HS2ST1: variants seen among roughly 807,000 people sequenced by gnomAD.
HS2ST1 encodes the protein 2-O-sulfotransferase.
Under a neutral mutation model 42.9 loss-of-function variants are expected in HS2ST1, and 18 were observed. That is an observed-to-expected ratio of 0.42 (90% CI 0.29 to 0.62). The LOEUF (loss-of-function observed/expected upper bound fraction) is 0.62. Ranked by LOEUF, HS2ST1 falls within the 20% of genes least tolerant of loss-of-function variation. The pLI is 0.21. For missense variants in HS2ST1, 334 were observed against 433.8 expected (o/e 0.77, Z 2.04); for synonymous variants, 146 against 152.9 (o/e 0.95, Z 0.33).
intron 1 of HS2ST1, chr1:87,045,941 C>G (rs1369232346): frequency 2.0e-5 from 14 of 710,172 alleles, no homozygotes; most frequent in Non-Finnish European, 3.7e-5. Flanking sequence ...GATCTGGTTA[C>G]TATTGATGTC....
At chr1:87,023,082 C>T (rs1649992270) in intron 1 of HS2ST1, among the ~76,000 whole-genome samples, 1 of 152,104 alleles carries the variant, frequency 6.6e-6, no homozygotes, top group Non-Finnish European at 1.5e-5. Flanking sequence ...GTGTTATGTC[C>T]AAATTGTTCC....
chr1:87,013,543 C>A (rs1198624669), intron 1 of HS2ST1, among the ~76,000 whole-genome samples: 4 of 152,238 alleles, frequency 2.6e-5, no homozygotes, highest in Non-Finnish European at 5.9e-5. Flanking sequence ...GCCATGAAGA[C>A]ATGTCATGCC....
chr1:86,996,517 C>T (rs1235353433), intron 1 of HS2ST1, among the ~76,000 whole-genome samples: 1 of 150,518 alleles, frequency 6.6e-6, no homozygotes, highest in Non-Finnish European at 1.5e-5. Context: ...GTTGCAGGTA[C>T]ATGTAGCCCA....
intron 1 of HS2ST1, among the ~76,000 whole-genome samples, chr1:86,966,014 C>T (rs930956111): frequency 2.6e-5 from 4 of 152,216 alleles, no homozygotes; most frequent in Admixed American, 1.3e-4. Context: ...CCACAGGCTT[C>T]TGCATGAGTT....
At chr1:87,040,988 A>G (rs991224858) in intron 1 of HS2ST1, among the ~76,000 whole-genome samples, 2 of 152,160 alleles carry the variant, frequency 1.3e-5, no homozygotes, top group African/African-American at 2.4e-5. Flanking sequence ...TTTGATGTCA[A>G]TAACCACTAA....
chr1:86,961,628 A>G (rs1647846399), intron 1 of HS2ST1, among the ~76,000 whole-genome samples: 1 of 152,172 alleles, frequency 6.6e-6, no homozygotes, highest in African/African-American at 2.4e-5. Flanking sequence ...TCACAGTCAA[A>G]TAATCATTGT....
intron 1 of HS2ST1, among the ~76,000 whole-genome samples, chr1:86,919,422 A>G (rs1013786743): frequency 1.3e-5 from 2 of 152,166 alleles, no homozygotes; most frequent in Non-Finnish European, 2.9e-5. Flanking sequence ...GTATTTTATT[A>G]TAGTATTTTA....
At position 87,084,286 on chromosome 1, in the gene HS2ST1, T is replaced by C. The variant is rs1343087524; in HGVS notation, c.449+7T>C. ...CTTACTTGGATTTTGCAAAGTAAGT[T>C]ACACTGAAATGACACGCTAAAGAAT... On this transcript the variant is annotated splice_region_variant and intron_variant, in intron 3 of 6. Transcript: ENST00000370550. The C allele has an allele frequency of 1.3e-6, 2 of 1,506,814 alleles. No individual in the cohort carries two copies. Among genetic ancestry groups the C allele is most frequent in the Non-Finnish European group, 1.8e-6 (2 of 1,088,688 alleles). 93.3% of individuals were successfully genotyped at this position (1,506,814 alleles called of 1,614,324 possible).
At chr1:87,029,227 C>T (rs1340020601) in intron 1 of HS2ST1, among the ~76,000 whole-genome samples, 2 of 152,146 alleles carry the variant, frequency 1.3e-5, no homozygotes, top group African/African-American at 4.8e-5. Flanking sequence ...TGTATGGGCA[C>T]TTTTGCCACA....
intron 1 of HS2ST1, chr1:87,046,450 T>C (rs1307122283): frequency 2.1e-6 from 2 of 970,958 alleles, no homozygotes; most frequent in Middle Eastern, 2.2e-4. Context: ...ATAAAGAAGG[T>C]GACATTAAAC....
intron 1 of HS2ST1, among the ~76,000 whole-genome samples, chr1:86,960,189 A>C (rs1330918671): frequency 6.7e-6 from 1 of 149,652 alleles, no homozygotes; most frequent in Non-Finnish European, 1.5e-5. Flanking sequence ...CACAAGTGGC[A>C]CTGGAATAAC....
chr1:86,936,655 C>T (rs1660660675), intron 1 of HS2ST1, among the ~76,000 whole-genome samples: 1 of 152,154 alleles, frequency 6.6e-6, no homozygotes, highest in South Asian at 2.1e-4. Flanking sequence ...AGGTAAGAAG[C>T]TCAAACCTGA....
At chr1:87,050,738 T>A (rs1650809677) in intron 1 of HS2ST1, among the ~76,000 whole-genome samples, 1 of 152,156 alleles carries the variant, frequency 6.6e-6, no homozygotes, top group South Asian at 2.1e-4. Flanking sequence ...TTCCATGTGA[T>A]TCTTAGATTA....
At chr1:87,011,310 GA>G in intron 1 of HS2ST1, among the ~76,000 whole-genome samples, 1 of 152,128 alleles carries the variant, frequency 6.6e-6, no homozygotes, top group East Asian at 1.9e-4. Flanking sequence ...GCAGTGGCAT[GA>G]TCATAGCTCA....
At chr1:86,928,539 A>C (rs1023278460) in intron 1 of HS2ST1, among the ~76,000 whole-genome samples, 5 of 151,934 alleles carry the variant, frequency 3.3e-5, no homozygotes, top group African/African-American at 9.7e-5. Context: ...ATTGCTTTTC[A>C]ACACACCCAC....
At chr1:86,967,398 A>G (rs189109801) in intron 1 of HS2ST1, among the ~76,000 whole-genome samples, 77 of 152,256 alleles carry the variant, frequency 5.1e-4, no homozygotes, top group African/African-American at 1.9e-3. Context: ...GCCTCTCACC[A>G]AAGTAGTGTA....
intron 1 of HS2ST1, among the ~76,000 whole-genome samples, chr1:86,952,915 G>A (rs1647566207): frequency 6.6e-6 from 1 of 152,144 alleles, no homozygotes; most frequent in African/African-American, 2.4e-5. Flanking sequence ...TTAGTTCCTG[G>A]TAGAGTCAGC....
chr1:86,940,577 C>G (rs1570434602), intron 1 of HS2ST1, among the ~76,000 whole-genome samples: 1 of 152,198 alleles, frequency 6.6e-6, no homozygotes, highest in East Asian at 1.9e-4. Context: ...ACTTGTTCTA[C>G]TCAGAATAAT....
At chr1:86,915,181 G>T (rs778629155) in intron 1 of HS2ST1, 21 bp downstream of exon 1, 4 of 1,606,504 alleles carry the variant, frequency 2.5e-6, no homozygotes, top group Non-Finnish European at 3.4e-6. Context: ...GAACTGCCCC[G>T]GGCTGAGTGC....
Sources: gnomAD v4.1 joint callset for allele counts (sites outside exome capture counted in the v4.1 genomes callset) on GRCh38, gnomAD v4.1.1 for gene constraint, MANE v1.5 for transcripts, NCBI Gene and HGNC (gene_info 2026-07-23, HGNC 2026-07-21) for gene names.